AXIN1: variants seen among roughly 807,000 people sequenced by gnomAD.
AXIN1 encodes the protein axin 1, also known as axin-1.
A neutral mutation model predicts 76.4 loss-of-function variants in AXIN1; 30 were observed. The observed-to-expected ratio is 0.39, with a 90% CI of 0.29 to 0.53. The LOEUF (loss-of-function observed/expected upper bound fraction) is 0.53. Ranked by LOEUF, AXIN1 falls within the 20% of genes least tolerant of loss-of-function variation. The pLI is 0.66. For missense variants in AXIN1, 1,140 were observed against 1,198.8 expected (o/e 0.95, Z 0.72); for synonymous variants, 545 against 501.4 (o/e 1.09, Z -1.16).
At chr16:324,908 GCA>G (rs1214452689) in intron 2 of AXIN1, among the ~76,000 whole-genome samples, 5 of 152,216 alleles carry the variant, frequency 3.3e-5, no homozygotes. Flanking sequence ...AGCGCCCGGT[GCA>G]CAGTTCCTAA....
chr16:293,280 A>AAGCTCC lies in AXIN1; in HGVS notation c.2186+202_2186+207dup. 1 of 612,798 alleles carries AAGCTCC rather than the reference A, an allele frequency of 1.6e-6. No homozygotes were observed. The highest frequency in any genetic ancestry group is 4.4e-4 in the Middle Eastern group (1 of 2,272). 38.0% of individuals were successfully genotyped at this position (612,798 alleles called of 1,614,324 possible). A position where few individuals can be genotyped will look rare whatever the true frequency, so the allele number is the denominator to read the frequency against. ...GAGCGCGGCGGCCTCGGGTGTGTGA[A>AAGCTCC]AGCTCCAGCCCCAGCCTCCGTCCAC... On this transcript the variant is annotated intron_variant, in intron 8 of 10. Coordinates refer to ENST00000262320, the MANE Select transcript of AXIN1 (RefSeq NM_003502.4). This position sits in a 1 kb window ranked among gnomAD's most constrained non-coding sequence, Gnocchi z 4.6.
intron 5 of AXIN1, among the ~76,000 whole-genome samples, chr16:298,652 C>T (rs187488626): frequency 5.3e-5 from 8 of 152,264 alleles, no homozygotes; most frequent in Admixed American, 3.3e-4. Context: ...AGACCACAGC[C>T]GTGTGCCACC....
chr16:320,086 C>T (rs1184981335), intron 2 of AXIN1, among the ~76,000 whole-genome samples: 2 of 152,154 alleles, frequency 1.3e-5, no homozygotes, highest in African/African-American at 2.4e-5. Flanking sequence ...ACCTCAGAAC[C>T]GACAGCCCCC....
In AXIN1 at chr16:346,621, C is replaced by A. The variant is rs1351479890; in HGVS notation, c.405G>T (p.Glu135Asp). Residue 135 changes from glutamate to aspartate, a missense_variant, in exon 2 of 11, where the codon GAG becomes GAT. Physicochemically the swap from Glu to Asp is conservative, Grantham distance 45. This residue lies in a region of AXIN1 where 708 missense variants were observed against 776.9 expected (regional missense o/e 0.91). Coordinates refer to ENST00000262320, the MANE Select transcript of AXIN1 (RefSeq NM_003502.4). Reference protein sequence around the residue: ...RKLEPCDSNEEKRLKLARAIY... With the variant: ...RKLEPCDSNEDKRLKLARAIY... ...TGGCTCTCGCCAGCTTCAGCCTCTT[C>A]TCCTCGTTCGAGTCACAGGGCTCCA... 6.3e-7 allele frequency: 1 copy of A among 1,592,932 alleles called. No individual in the cohort carries two copies. The highest frequency in any genetic ancestry group is 8.6e-7 in the Non-Finnish European group (1 of 1,168,238).
intron 2 of AXIN1, among the ~76,000 whole-genome samples, chr16:333,790 A>G (rs2053742206): frequency 1.3e-5 from 2 of 151,998 alleles, no homozygotes; most frequent in Non-Finnish European, 1.5e-5. Context: ...ACAGCACAAC[A>G]GTAACACAGC....
chr16:347,819 C>T (rs146904328), intron 1 of AXIN1, among the ~76,000 whole-genome samples: 65 of 152,290 alleles, frequency 4.3e-4, no homozygotes, highest in African/African-American at 1.4e-3. Flanking sequence ...CAGAGGCGCT[C>T]GGACACCGTC....
intron 8 of AXIN1, chr16:291,735 C>G: frequency 3.3e-6 from 1 of 304,406 alleles, no homozygotes; most frequent in Non-Finnish European, 6.5e-6. Context: ...GAGGGCCCCC[C>G]GGCGCCACAA....
intron 4 of AXIN1, among the ~76,000 whole-genome samples, chr16:307,641 C>G (rs1486935639): frequency 1.3e-5 from 2 of 152,238 alleles, no homozygotes; most frequent in African/African-American, 4.8e-5. Flanking sequence ...AAGGTGCACA[C>G]AGCCTGGGCC....
Position 297,232 on chromosome 16 carries a change from A to G in AXIN1, c.1785-6T>C, listed in dbSNP as rs2141504481. The G allele has an allele frequency of 6.2e-7, 1 of 1,604,734 alleles. No homozygotes were observed. ...ACGCCACGCCCACCTTCCCACTGCA[A>G]GGGCAAGAGCTGCGAGTCGCCCTGG... On this transcript the variant is annotated splice_region_variant and splice_polypyrimidine_tract_variant and intron_variant, in intron 6 of 10. Coordinates refer to ENST00000262320, the MANE Select transcript of AXIN1 (RefSeq NM_003502.4).
chr16:333,124 G>A (rs1394340141), intron 2 of AXIN1, among the ~76,000 whole-genome samples: 1 of 152,074 alleles, frequency 6.6e-6, no homozygotes, highest in Non-Finnish European at 1.5e-5. Context: ...CCTGAGGTCG[G>A]GAGTTTGAGA....
intron 2 of AXIN1, among the ~76,000 whole-genome samples, chr16:327,301 ACT>A (rs1166899242): frequency 6.6e-6 from 1 of 151,752 alleles, no homozygotes; most frequent in African/African-American, 2.4e-5. Context: ...GGGGCAGGGC[ACT>A]CTCACCCCTT....
chr16:293,605 A>G lies in AXIN1; in HGVS notation c.2069T>C (p.Ile690Thr), dbSNP rs2141486013. 6.2e-7 allele frequency: 1 copy of G among 1,613,018 alleles called. No individual in the cohort carries two copies. The highest frequency in any genetic ancestry group is 8.5e-7 in the Non-Finnish European group (1 of 1,179,906). ...GTGGGGTGGCATGGTGGGGTCTTGGATGAAGAGGTGGGAGGGCTGCACGGA... is the reference window on the plus strand; with the variant it reads ...GTGGGGTGGCATGGTGGGGTCTTGGGTGAAGAGGTGGGAGGGCTGCACGGA... ...RTSVQPSHLF[I>T]QDPTMPPHPA... The change falls in exon 8 of 11, where the codon ATC becomes ACC. Residue 690 changes from isoleucine to threonine, a missense_variant. By Grantham distance (89) the Ile-to-Thr change is moderately conservative (BLOSUM62 -1). Transcript: ENST00000262320. The surrounding 1 kb of genome is among the most constrained non-coding windows in gnomAD (Gnocchi z 4.6).
At chr16:308,897 AG>A (rs1458753218) in intron 4 of AXIN1, among the ~76,000 whole-genome samples, 2 of 152,234 alleles carry the variant, frequency 1.3e-5, no homozygotes, top group Non-Finnish European at 2.9e-5. Context: ...TCAACCATAA[AG>A]AAATTCCTGA....
chr16:331,676 T>G lies in AXIN1; in HGVS notation c.878+14472A>C, dbSNP rs369573879. Among the ~76,000 whole-genome samples, 27 of 152,332 alleles carry G rather than the reference T, an allele frequency of 1.8e-4. No homozygotes were observed. In the East Asian group the frequency reaches 2.7e-3, roughly 15 times the overall value. On this transcript the variant is annotated intron_variant, in intron 2 of 10. Coordinates refer to ENST00000262320, the MANE Select transcript of AXIN1 (RefSeq NM_003502.4). ...CAAAAACTGCCTGGACTGCTTTTAT[T>G]TGCAAACTTTTTTGTTCACCATGGA...
Position 287,831 on chromosome 16 carries a change from G to T in AXIN1, c.*291C>A. The stretch of plus-strand genomic sequence containing the variant: ...CCCAAGGGAGGTGCCGGGGGATGGG[G>T]GGGGGTCACCTGAAGCTGGCAGCAG... On this transcript the variant is annotated 3_prime_UTR_variant, in exon 11 of 11. Coordinates refer to ENST00000262320, the MANE Select transcript of AXIN1 (RefSeq NM_003502.4). 1.9e-6 allele frequency: 1 copy of T among 525,362 alleles called. No homozygotes were observed. Among genetic ancestry groups the T allele is most frequent in the South Asian group, 2.0e-5 (1 of 49,346 alleles). The allele number at this position is 525,362 out of a possible 1,614,324, so 32.5% of individuals were successfully genotyped here.
At chr16:334,185 C>T (rs2141664355) in intron 2 of AXIN1, among the ~76,000 whole-genome samples, 1 of 129,624 alleles carries the variant, frequency 7.7e-6, no homozygotes, top group South Asian at 2.6e-4. Flanking sequence ...CCAATAACAG[C>T]ACCCAGTACC....
At chr16:315,348 C>T (rs2053275641) in intron 2 of AXIN1, among the ~76,000 whole-genome samples, 2 of 152,156 alleles carry the variant, frequency 1.3e-5, no homozygotes, top group African/African-American at 2.4e-5. Context: ...TCCTCTTTAT[C>T]TGTTCATATG....
intron 2 of AXIN1, among the ~76,000 whole-genome samples, chr16:328,400 A>T (rs1322750428): frequency 6.6e-6 from 1 of 152,120 alleles, no homozygotes. Flanking sequence ...CACTAAAAAA[A>T]ATAATAATAA....
chr16:288,289 C>A (rs367664357), intron 10 of AXIN1, 41 bp from the exon 11 acceptor site: 38 of 1,612,782 alleles, frequency 2.4e-5, no homozygotes, highest in Non-Finnish European at 3.1e-5. Context: ...CAGGCAGCAC[C>A]GCAGATGGGA....
Sources: gnomAD v4.1 joint callset for allele counts (sites outside exome capture counted in the v4.1 genomes callset) on GRCh38, gnomAD v4.1.1 for gene constraint, gnomAD v4.1.1 regional missense constraint, Gnocchi (gnomAD v3.1) non-coding constraint, MANE v1.5 for transcripts, NCBI Gene and HGNC (gene_info 2026-07-23, HGNC 2026-07-21) for gene names.